The following WDPCP variants were observed in gnomAD, a reference collection of about 807,000 sequenced individuals.
WDPCP encodes WD repeat-containing and planar cell polarity effector protein fritz homolog.
WDPCP carries 71 observed loss-of-function variants against 93.1 expected under a neutral mutation model. That is an observed-to-expected ratio of 0.76 (90% CI 0.63 to 0.93). The LOEUF (loss-of-function observed/expected upper bound fraction) is 0.93. Among genes scored for constraint, WDPCP ranks in the 40% least tolerant of loss-of-function variants. WDPCP has a pLI of 0.00. For missense variants in WDPCP, 844 were observed against 887.4 expected (o/e 0.95, Z 0.62); for synonymous variants, 315 against 315.0 (o/e 1.00, Z 0.00).
chr2:63,592,107 A>G (rs1709211143), upstream of WDPCP, among the ~76,000 whole-genome samples: 1 of 152,112 alleles, frequency 6.6e-6, no homozygotes, highest in Non-Finnish European at 1.5e-5. Context: ...TGTTTCCTTC[A>G]CGTGATTCAC....
intron 6 of WDPCP, among the ~76,000 whole-genome samples, chr2:63,460,879 G>T (rs1371007324): frequency 6.6e-6 from 1 of 152,092 alleles, no homozygotes; most frequent in African/African-American, 2.4e-5. Context: ...ACCCACCTCA[G>T]CCTCCCAAAG....
intron 2 of WDPCP, chr2:63,751,960 T>G: frequency 1.6e-6 from 1 of 644,734 alleles, no homozygotes; most frequent in East Asian, 3.1e-5. Context: ...GCTGCCATCA[T>G]GACCACTGAA....
intron 6 of WDPCP, among the ~76,000 whole-genome samples, chr2:63,444,008 T>C (rs749252496): frequency 6.6e-6 from 1 of 152,130 alleles, no homozygotes; most frequent in Non-Finnish European, 1.5e-5. Flanking sequence ...TAATCAGAAA[T>C]GTGTCTGAAC....
At chr2:63,485,407 A>G (rs1194087021) in intron 4 of WDPCP, among the ~76,000 whole-genome samples, 1 of 151,896 alleles carries the variant, frequency 6.6e-6, no homozygotes, top group African/African-American at 2.4e-5. Flanking sequence ...ATAATGAGCA[A>G]AGAAATAAAA....
At chr2:63,252,841 G>A (rs1187055721) in intron 14 of WDPCP, among the ~76,000 whole-genome samples, 2 of 152,126 alleles carry the variant, frequency 1.3e-5, no homozygotes, top group Non-Finnish European at 2.9e-5. Flanking sequence ...ACTGCCCAAA[G>A]CAATCTATGG....
intron 2 of WDPCP, among the ~76,000 whole-genome samples, chr2:63,712,219 C>G (rs1669273620): frequency 6.6e-6 from 1 of 152,218 alleles, no homozygotes; most frequent in Admixed American, 6.5e-5. Context: ...AGGATATTGC[C>G]TGACAACTTC....
At chr2:63,304,817 C>G (rs2103814398) in intron 13 of WDPCP, among the ~76,000 whole-genome samples, 1 of 152,204 alleles carries the variant, frequency 6.6e-6, no homozygotes, top group Non-Finnish European at 1.5e-5. Flanking sequence ...GGATCCCACC[C>G]CCATGGAGCC....
chr2:63,317,944 T>G (rs1320051882), intron 12 of WDPCP, among the ~76,000 whole-genome samples: 1 of 152,072 alleles, frequency 6.6e-6, no homozygotes, highest in East Asian at 1.9e-4. Flanking sequence ...AAAGAACTTC[T>G]GCATAACAAA....
chr2:63,375,458 T>C (rs1691766921), intron 12 of WDPCP, among the ~76,000 whole-genome samples: 1 of 152,012 alleles, frequency 6.6e-6, no homozygotes, highest in South Asian at 2.1e-4. Flanking sequence ...ACTGTGCTTC[T>C]ACTGTTTTCC....
chr2:63,295,049 G>T (rs1684740787), intron 13 of WDPCP, among the ~76,000 whole-genome samples: 1 of 152,064 alleles, frequency 6.6e-6, no homozygotes, highest in Non-Finnish European at 1.5e-5. Flanking sequence ...GAGTTTTTGT[G>T]TGTTACTGAA....
At chr2:63,205,110 C>T (rs1676234102) in intron 14 of WDPCP, among the ~76,000 whole-genome samples, 2 of 152,122 alleles carry the variant, frequency 1.3e-5, no homozygotes, top group Admixed American at 1.3e-4. Context: ...GTCTTTCCCC[C>T]AGTGTATGCT....
chr2:63,494,915 G>A (rs1251983343), intron 1 of WDPCP, among the ~76,000 whole-genome samples: 5 of 106,556 alleles, frequency 4.7e-5, no homozygotes, highest in East Asian at 2.8e-4. Context: ...GCGAGACTCC[G>A]TCTCAAAAAA....
At chr2:63,335,350 A>G (rs1220167057) in intron 12 of WDPCP, among the ~76,000 whole-genome samples, 1 of 151,888 alleles carries the variant, frequency 6.6e-6, no homozygotes, top group Non-Finnish European at 1.5e-5. Flanking sequence ...TCCTAAAATG[A>G]TTGAGACTCT....
Position 63,575,385 on chromosome 2 carries a change from A to G in WDPCP, c.75+12812T>C, listed in dbSNP as rs376465014. Among the ~76,000 whole-genome samples the G allele has an allele frequency of 9.4e-4, 96 of 102,150 alleles. 4 individuals are homozygous for G. Among genetic ancestry groups the G allele is most frequent in the African/African-American group, 3.3e-3 (87 of 26,610 alleles). The allele number at this position is 102,150 out of a possible 152,430, so 67.0% of individuals were successfully genotyped here. ...AGTATATACAGTATATACAGTATAT[A>G]CACGGTATATACAGTATATATACAG... On this transcript the variant is annotated intron_variant, in intron 1 of 17. Coordinates refer to ENST00000272321, the MANE Select transcript of WDPCP (RefSeq NM_015910.7).
chr2:63,802,281 TAAAAAAAAAAAAAAAA>T (rs58717654), intron 2 of WDPCP, among the ~76,000 whole-genome samples: 2,475 of 54,306 alleles, frequency 0.046, 125 homozygotes, highest in African/African-American at 0.17. Flanking sequence ...CCCTCTCTCT[TAAAAAAAAAAAAAAAA>T]AAAAAAAAAA....
intron 6 of WDPCP, among the ~76,000 whole-genome samples, chr2:63,469,724 G>A (rs184042940): frequency 1.3e-5 from 2 of 152,160 alleles, no homozygotes; most frequent in African/African-American, 2.4e-5. Context: ...GGTGGGAGAG[G>A]AGCAAAAGAA....
intron 2 of WDPCP, among the ~76,000 whole-genome samples, chr2:63,745,074 T>C (rs1669775104): frequency 6.6e-6 from 1 of 152,160 alleles, no homozygotes; most frequent in Non-Finnish European, 1.5e-5. Context: ...GTTGTTCATT[T>C]GATGTTGTTT....
At chr2:63,430,013 ACACACACAC>A (rs1294963663) in intron 9 of WDPCP, among the ~76,000 whole-genome samples, 2 of 151,228 alleles carry the variant, frequency 1.3e-5, no homozygotes, top group South Asian at 2.1e-4. Flanking sequence ...ACACACACAC[ACACACACAC>A]ACCATGAAAT....
chr2:63,141,334 C>T (rs1291094466), intron 17 of WDPCP, among the ~76,000 whole-genome samples: 1 of 152,188 alleles, frequency 6.6e-6, no homozygotes, highest in African/African-American at 2.4e-5. Context: ...GCCTCAGCCC[C>T]CCAAAGTGCT....
Sources: gnomAD v4.1 joint callset for allele counts (sites outside exome capture counted in the v4.1 genomes callset) on GRCh38, gnomAD v4.1.1 for gene constraint, MANE v1.5 for transcripts, NCBI Gene and HGNC (gene_info 2026-07-23, HGNC 2026-07-21) for gene names.